Variants in MEGF6 observed in about 807,000 individuals in gnomAD.
MEGF6 encodes multiple EGF like domains 6.
Under a neutral mutation model 207.1 loss-of-function variants are expected in MEGF6, and 184 were observed. The ratio of observed to expected loss-of-function variants is 0.89; its 90% CI spans 0.79 to 1.00. MEGF6 has a LOEUF of 1.00. Among genes scored for constraint, MEGF6 ranks in the 50% least tolerant of loss-of-function variants. MEGF6 has a pLI of 0.00. For missense variants in MEGF6, 2,282 were observed against 2,202.9 expected, an observed-to-expected ratio of 1.04 and a Z score of -0.72; for synonymous variants, 1,038 against 910.0, an observed-to-expected ratio of 1.14 and a Z score of -2.53.
At chr1:3,509,372 AC>A in intron 11 of MEGF6, 127 bp from the exon 12 acceptor site, 3 of 717,820 alleles carry the variant, frequency 4.2e-6, no homozygotes, top group South Asian at 2.8e-5. Context: ...TGCCTCCACT[AC>A]CCCCACCTCC....
rs78799623 is a variant in MEGF6 at position 3,606,466 on chromosome 1, C to T, written c.132-3866G>A. Among the ~76,000 whole-genome samples the T allele has an allele frequency of 2.5e-3, 381 of 152,264 alleles. 4 individuals are homozygous for T. In the East Asian group the frequency reaches 0.025, roughly 10 times the overall value. ...CTCCCCACGCCCCATCTTTAAGACG[C>T]GCAGGTTACTGAACCTCTGCCTCAG... On this transcript the variant is annotated intron_variant, in intron 1 of 36. Coordinates refer to ENST00000356575, the MANE Select transcript of MEGF6 (RefSeq NM_001409.4).
At chr1:3,501,422 C>T in intron 18 of MEGF6, 114 bp from the exon 19 acceptor site, 1 of 1,417,282 alleles carries the variant, frequency 7.1e-7, no homozygotes, top group Non-Finnish European at 9.4e-7. Flanking sequence ...CCACTGTTAC[C>T]ATCTCAGCCT....
intron 1 of MEGF6, among the ~76,000 whole-genome samples, chr1:3,602,999 G>A (rs896959561): frequency 1.3e-5 from 2 of 152,124 alleles, no homozygotes; most frequent in African/African-American, 4.8e-5. Flanking sequence ...TCCCCACCTC[G>A]CTTCAGAGAT....
intron 4 of MEGF6, among the ~76,000 whole-genome samples, chr1:3,530,715 G>A (rs957847269): frequency 1.3e-5 from 2 of 152,218 alleles, no homozygotes; most frequent in African/African-American, 4.8e-5. Context: ...AGCTCCGGGG[G>A]TCTCAAAGGG....
In MEGF6 at chr1:3,499,556, A is replaced by G. The variant is rs764960746; in HGVS notation, c.2965+32T>C. 2.2e-5 allele frequency: 35 copies of G among 1,557,396 alleles called. 1 individual carries two copies. The East Asian group carries it at 7.3e-4, about 33-fold the overall frequency. On this transcript the variant is annotated intron_variant, in intron 23 of 36. Transcript: ENST00000356575. Reference sequence around the variant, plus strand: ...CGGAGGACCTGGCACCCCCTCCTGCAGCACCCCGGGCTGAGCAGGGACCTC... The same window carrying G: ...CGGAGGACCTGGCACCCCCTCCTGCGGCACCCCGGGCTGAGCAGGGACCTC...
At position 3,499,584 on chromosome 1, in the gene MEGF6, G is replaced by A. The variant is rs780283453; in HGVS notation, c.2965+4C>T. On this transcript the variant is annotated splice_donor_region_variant and intron_variant, in intron 23 of 36. Coordinates refer to ENST00000356575, the MANE Select transcript of MEGF6 (RefSeq NM_001409.4). Reference sequence around the variant, plus strand: ...ACCCCGGGCTGAGCAGGGACCTCACGCACTCTCGGCACAGCGGGGGCCCCG... The same window carrying A: ...ACCCCGGGCTGAGCAGGGACCTCACACACTCTCGGCACAGCGGGGGCCCCG... The A allele has an allele frequency of 1.3e-5, 21 of 1,574,432 alleles. No homozygotes were observed. The South Asian group carries it at 1.7e-4, about 13-fold the overall frequency.
chr1:3,553,715 C>T (rs369097012), intron 4 of MEGF6, among the ~76,000 whole-genome samples: 24 of 152,310 alleles, frequency 1.6e-4, no homozygotes, highest in African/African-American at 5.3e-4. Context: ...CCAGCTGGCC[C>T]GGAGTCCACC....
At chr1:3,553,728 G>A (rs933784024) in intron 4 of MEGF6, among the ~76,000 whole-genome samples, 2 of 152,208 alleles carry the variant, frequency 1.3e-5, no homozygotes, top group Non-Finnish European at 2.9e-5. Flanking sequence ...AGTCCACCAC[G>A]AGTGGCTCCA....
chr1:3,577,209 CT>C (rs890350003), intron 4 of MEGF6, among the ~76,000 whole-genome samples: 23 of 152,206 alleles, frequency 1.5e-4, no homozygotes, highest in Non-Finnish European at 3.1e-4. Context: ...CAACTGCCCC[CT>C]GTGAAGGCCA....
intron 4 of MEGF6, among the ~76,000 whole-genome samples, chr1:3,576,625 G>C (rs954558001): frequency 6.6e-6 from 1 of 152,000 alleles, no homozygotes; most frequent in Admixed American, 6.6e-5. Context: ...TACACCTGCA[G>C]GCAGCACCCC....
the MEGF6 span, among the ~76,000 whole-genome samples, chr1:3,624,145 A>C: frequency 1.1e-4 from 16 of 151,934 alleles, 1 homozygote; most frequent in East Asian, 3.1e-3. Flanking sequence ...TGTCTTCCTC[A>C]CCTCCGAGCA....
the MEGF6 span, among the ~76,000 whole-genome samples, chr1:3,623,826 G>C: frequency 6.6e-6 from 1 of 151,972 alleles, no homozygotes; most frequent in Non-Finnish European, 1.5e-5. Flanking sequence ...TTTTCTCTCT[G>C]GTCTTTGACC....
Position 3,497,055 on chromosome 1 carries a change from C to T in MEGF6, c.3546G>A (p.Pro1182=), listed in dbSNP as rs928241807. Residue 1182 remains proline (P), a synonymous_variant, in exon 28 of 37, where the codon CCG becomes CCA. Transcript: ENST00000356575. ...AQMCQCPGEN[P]ACHPATGTCS... The stretch of plus-strand genomic sequence containing the variant: ...AGGTCCCGGTGGCAGGGTGGCAGGC[C>T]GGGTTCTCACCGGGACACTGGCACA... The T allele has an allele frequency of 3.6e-5, 56 of 1,557,520 alleles. No homozygotes were observed. Among genetic ancestry groups the T allele is most frequent in the Non-Finnish European group, 4.0e-5 (46 of 1,151,740 alleles).
intron 5 of MEGF6, among the ~76,000 whole-genome samples, chr1:3,523,084 G>GGC (rs56204236): frequency 6.6e-6 from 1 of 151,688 alleles, no homozygotes; most frequent in African/African-American, 2.4e-5. Context: ...CGGGGGGGGG[G>GGC]CCCCAGGGCT....
intron 6 of MEGF6, 41 bp from the exon 7 acceptor site, chr1:3,514,713 C>A (rs1190755652): frequency 1.3e-6 from 2 of 1,522,852 alleles, no homozygotes; most frequent in Non-Finnish European, 1.8e-6. Flanking sequence ...GGAGAGGGGA[C>A]CCCAGTGGCT....
chr1:3,580,448 G>A (rs1643767837), intron 3 of MEGF6, among the ~76,000 whole-genome samples: 1 of 152,212 alleles, frequency 6.6e-6, no homozygotes, highest in African/African-American at 2.4e-5. Flanking sequence ...CCCGGCAGGT[G>A]GGGAGCCAAG....
Position 3,539,895 on chromosome 1 carries a change from C to T in MEGF6, c.482-15649G>A, listed in dbSNP as rs1642458702. Among the ~76,000 whole-genome samples, 3 of 152,368 alleles carry T rather than the reference C, an allele frequency of 2.0e-5. No homozygotes were observed. In the South Asian group the frequency reaches 6.2e-4, roughly 32 times the overall value. On this transcript the variant is annotated intron_variant, in intron 4 of 36. Transcript: ENST00000356575. ...AAGGTGTCCACTGAGCCTCCCCAAGCTCCAAGTCTGAGGACTGCAGCCTGC... is the reference window on the plus strand; with the variant it reads ...AAGGTGTCCACTGAGCCTCCCCAAGTTCCAAGTCTGAGGACTGCAGCCTGC...
intron 12 of MEGF6, 130 bp from the exon 13 acceptor site, chr1:3,508,819 G>C: frequency 8.2e-7 from 1 of 1,215,982 alleles, no homozygotes; most frequent in East Asian, 2.5e-5. Flanking sequence ...GGCCCCCAAA[G>C]GGTGACATGG....
At chr1:3,616,460 AC>A (rs1224746335), upstream of MEGF6, among the ~76,000 whole-genome samples, 2 of 151,974 alleles carry the variant, frequency 1.3e-5, no homozygotes, top group Non-Finnish European at 2.9e-5. Flanking sequence ...ACCAACGACC[AC>A]CCCGGACCGC....
Sources: gnomAD v4.1 joint callset for allele counts (sites outside exome capture counted in the v4.1 genomes callset) on GRCh38, gnomAD v4.1.1 for gene constraint, MANE v1.5 for transcripts, NCBI Gene and HGNC (gene_info 2026-07-23, HGNC 2026-07-21) for gene names.